Variants in PRKN observed in about 807,000 individuals in gnomAD.
PRKN encodes the protein parkin RBR E3 ubiquitin protein ligase.
A neutral mutation model predicts 59.5 loss-of-function variants in PRKN; 56 were observed. The observed-to-expected ratio is 0.94, with a 90% CI of 0.76 to 1.18. The LOEUF is 1.18. Ranked by LOEUF, PRKN falls within the 50% of genes most tolerant of loss-of-function variation. The probability of loss-of-function intolerance (pLI) is 0.00; values close to 1 mark genes in which losing one functional copy is unlikely to be tolerated. For synonymous variants in PRKN, 250 were observed against 222.1 expected (o/e 1.13, Z -1.12); for missense variants, 657 against 596.4 (o/e 1.10, Z -1.06).
intron 8 of PRKN, among the ~76,000 whole-genome samples, chr6:161,568,891 G>A (rs1014290293): frequency 1.3e-5 from 2 of 151,564 alleles, no homozygotes; most frequent in Non-Finnish European, 2.9e-5. Context: ...GTCACCCTTT[G>A]TATAGACGTC....
At chr6:162,115,944 A>G (rs930621866) in intron 4 of PRKN, among the ~76,000 whole-genome samples, 4 of 152,192 alleles carry the variant, frequency 2.6e-5, no homozygotes, top group African/African-American at 9.7e-5. Flanking sequence ...TCCACTGGGA[A>G]TCCAGAGATG....
chr6:162,257,235 C>T (rs1193222607), intron 3 of PRKN, among the ~76,000 whole-genome samples: 3 of 152,136 alleles, frequency 2.0e-5, no homozygotes, highest in Non-Finnish European at 4.4e-5. Context: ...CTTCAAGAGG[C>T]CGGGGTCAGT....
Position 161,733,769 on chromosome 6 carries a change from T to TG in PRKN, c.871+52002dup, listed in dbSNP as rs1220852446. ...AGTATTGTTGAAAATTCCCAGGGGG[T>TG]GAAAAAAAAAAAAAATATATATATA... On this transcript the variant is annotated intron_variant, in intron 7 of 11. Coordinates refer to ENST00000366898, the MANE Select transcript of PRKN (RefSeq NM_004562.3). Among the ~76,000 whole-genome samples, 8 of 69,852 alleles carry TG rather than the reference T, an allele frequency of 1.1e-4. 1 individual carries two copies. Among genetic ancestry groups the TG allele is most frequent in the East Asian group, 3.9e-4 (1 of 2,558 alleles). The allele number at this position is 69,852 out of a possible 152,430, so 45.8% of individuals were successfully genotyped here.
chr6:161,438,852 T>C (rs1789053461), intron 9 of PRKN, among the ~76,000 whole-genome samples: 1 of 152,146 alleles, frequency 6.6e-6, no homozygotes, highest in Admixed American at 6.5e-5. Context: ...AGTATGCCTT[T>C]TACTGAAAGC....
chr6:162,512,194 C>T (rs1490027761), intron 1 of PRKN, among the ~76,000 whole-genome samples: 1 of 152,084 alleles, frequency 6.6e-6, no homozygotes, highest in Non-Finnish European at 1.5e-5. Flanking sequence ...CTTCTCCTTA[C>T]TAAAAATGGG....
intron 3 of PRKN, among the ~76,000 whole-genome samples, chr6:162,211,734 A>G (rs539830921): frequency 6.6e-6 from 1 of 152,240 alleles, no homozygotes; most frequent in South Asian, 2.1e-4. Flanking sequence ...CATAAAATAA[A>G]CCTCTTACAA....
intron 5 of PRKN, among the ~76,000 whole-genome samples, chr6:161,983,905 A>AT (rs1217095963): frequency 6.6e-6 from 1 of 150,850 alleles, no homozygotes; most frequent in East Asian, 1.9e-4. Flanking sequence ...TTAGAGTATA[A>AT]TAAAAAAAAA....
At chr6:162,160,835 G>A (rs1372270456) in intron 4 of PRKN, among the ~76,000 whole-genome samples, 4 of 132,558 alleles carry the variant, frequency 3.0e-5, no homozygotes, top group African/African-American at 1.1e-4. Flanking sequence ...AGCTTGCAGT[G>A]AGCCTAGATC....
chr6:162,412,402 A>G (rs1361191592), intron 2 of PRKN, among the ~76,000 whole-genome samples: 2 of 151,966 alleles, frequency 1.3e-5, no homozygotes. Flanking sequence ...TACGGGACTC[A>G]CTGTGGACAC....
chr6:161,684,216 A>T (rs900120635), intron 7 of PRKN, among the ~76,000 whole-genome samples: 19 of 152,008 alleles, frequency 1.2e-4, no homozygotes, highest in Non-Finnish European at 2.1e-4. Flanking sequence ...AAATTTATTT[A>T]AAAAAAATTT....
chr6:162,037,411 A>G (rs1783889103), intron 5 of PRKN, among the ~76,000 whole-genome samples: 1 of 152,190 alleles, frequency 6.6e-6, no homozygotes, highest in Non-Finnish European at 1.5e-5. Context: ...AAACAGGTGT[A>G]TGTGTATGTG....
At chr6:162,222,253 G>A (rs1009270461) in intron 3 of PRKN, among the ~76,000 whole-genome samples, 1 of 152,082 alleles carries the variant, frequency 6.6e-6, no homozygotes, top group African/African-American at 2.4e-5. Flanking sequence ...AAATACCAAA[G>A]ATAAAGGATT....
chr6:162,045,460 A>G (rs1784215906), intron 5 of PRKN, among the ~76,000 whole-genome samples: 1 of 152,250 alleles, frequency 6.6e-6, no homozygotes, highest in Admixed American at 6.5e-5. Context: ...TTCTCCAAGA[A>G]ACATTAGTGG....
intron 1 of PRKN, among the ~76,000 whole-genome samples, chr6:162,723,085 A>C (rs1418916718): frequency 6.6e-6 from 1 of 152,172 alleles, no homozygotes; most frequent in Non-Finnish European, 1.5e-5. Context: ...AATTCACTGC[A>C]CACAAGCTTG....
intron 6 of PRKN, among the ~76,000 whole-genome samples, chr6:161,824,166 G>A (rs1001944615): frequency 2.6e-5 from 4 of 152,180 alleles, no homozygotes; most frequent in African/African-American, 9.7e-5. Flanking sequence ...CACGAAGTAG[G>A]GAAGATCAGA....
chr6:161,366,365 G>A (rs1398858642), intron 10 of PRKN, among the ~76,000 whole-genome samples: 1 of 152,130 alleles, frequency 6.6e-6, no homozygotes, highest in Non-Finnish European at 1.5e-5. Flanking sequence ...GCACACGTGA[G>A]CCAAGGAGTC....
At chr6:161,609,480 T>C (rs919538321) in intron 7 of PRKN, among the ~76,000 whole-genome samples, 2 of 152,178 alleles carry the variant, frequency 1.3e-5, no homozygotes, top group Non-Finnish European at 2.9e-5. Flanking sequence ...AGTGATTCTA[T>C]AGGAATAAGG....
chr6:161,611,683 T>G (rs1468950625), intron 7 of PRKN, among the ~76,000 whole-genome samples: 1 of 152,168 alleles, frequency 6.6e-6, no homozygotes, highest in East Asian at 1.9e-4. Context: ...ATTCCCTGAG[T>G]CATAACAATT....
chr6:162,215,224 A>T (rs1479496456), intron 3 of PRKN, among the ~76,000 whole-genome samples: 1 of 152,160 alleles, frequency 6.6e-6, no homozygotes, highest in Admixed American at 6.5e-5. Flanking sequence ...GATTCTTTTG[A>T]AGGTGAAGGC....
Sources: allele counts gnomAD v4.1 joint callset (sites outside exome capture counted in the v4.1 genomes callset), GRCh38; gene constraint gnomAD v4.1.1; transcripts MANE v1.5; gene names NCBI Gene and HGNC (gene_info 2026-07-23, HGNC 2026-07-21).